The following SLC5A8 variants were observed in gnomAD, a reference collection of about 807,000 sequenced individuals.
SLC5A8 encodes sodium-coupled monocarboxylate transporter 1.
In SLC5A8, 55 loss-of-function variants were observed where a neutral mutation model predicts 71.9. The ratio of observed to expected loss-of-function variants is 0.77; its 90% CI spans 0.62 to 0.96. The LOEUF is 0.96. SLC5A8 is among the 40% of genes least tolerant of loss of function. The pLI is 0.00. For synonymous variants in SLC5A8, 307 were observed against 276.1 expected (o/e 1.11, Z -1.11); for missense variants, 701 against 745.3 (o/e 0.94, Z 0.69).
intron 3 of SLC5A8, among the ~76,000 whole-genome samples, chr12:101,198,887 T>C (rs555807789): frequency 6.6e-6 from 1 of 151,896 alleles, no homozygotes; most frequent in African/African-American, 2.4e-5. Flanking sequence ...GGTTTAATAT[T>C]CAAAATTCAG....
Position 101,161,966 on chromosome 12 carries a change from A to T in SLC5A8, c.1630+8T>A, listed in dbSNP as rs2051727377. 6.3e-7 allele frequency: 1 copy of T among 1,574,826 alleles called. No homozygotes were observed. Among genetic ancestry groups the T allele is most frequent in the Non-Finnish European group, 8.7e-7 (1 of 1,144,456 alleles). On this transcript the variant is annotated splice_region_variant and intron_variant, in intron 13 of 14. Coordinates refer to ENST00000536262, the MANE Select transcript of SLC5A8 (RefSeq NM_145913.5). ...TAAATACAACAATACTAATGTTTAG[A>T]TAGTTACCTGTTGATAAACTGACAA...
At chr12:101,171,965 A>G (rs1175356629) in intron 10 of SLC5A8, among the ~76,000 whole-genome samples, 1 of 152,220 alleles carries the variant, frequency 6.6e-6, no homozygotes, top group Non-Finnish European at 1.5e-5. Context: ...TAGCAGGCTT[A>G]GAGTTGCTTG....
At chr12:101,199,081 T>C (rs745633002) in intron 3 of SLC5A8, among the ~76,000 whole-genome samples, 1 of 151,804 alleles carries the variant, frequency 6.6e-6, no homozygotes, top group Non-Finnish European at 1.5e-5. Context: ...TATCAACATA[T>C]AAAAGTCAGT....
At chr12:101,192,258 G>T (rs1353224477) in intron 5 of SLC5A8, among the ~76,000 whole-genome samples, 2 of 152,202 alleles carry the variant, frequency 1.3e-5, no homozygotes, top group African/African-American at 2.4e-5. Flanking sequence ...CTAAAAGAAG[G>T]AAAGAAATAT....
chr12:101,190,479 G>A lies in SLC5A8; in HGVS notation c.822C>T (p.Phe274=). The change falls in exon 6 of 15, where the codon TTC becomes TTT. Residue 274 remains phenylalanine (F), a synonymous_variant. Coordinates refer to ENST00000536262, the MANE Select transcript of SLC5A8 (RefSeq NM_145913.5). ...GGTGTGTGACTTACAGTTTTGCCTG[G>A]AATCTGCTTTTACAAGAAATATATC... ...VQRYISCKSR[F]QAKLSLYINL... is the part of the protein sequence containing the mutation. 1 of 1,612,094 alleles carries A rather than the reference G, an allele frequency of 6.2e-7. No homozygotes were observed. The highest frequency in any genetic ancestry group is 8.5e-7 in the Non-Finnish European group (1 of 1,179,252).
rs1566328880 is a variant in SLC5A8, at chr12:101,209,704, C to T, written c.145G>A (p.Gly49Ser). Reference sequence around the variant, plus strand: ...ACGGGCACTGCGGTCATTCTGCGGCCGCCCATCAGGAAGTCCTTGGAGGTC... The same window carrying T: ...ACGGGCACTGCGGTCATTCTGCGGCTGCCCATCAGGAAGTCCTTGGAGGTC... ...QQTSKDFLMG[G>S]RRMTAVPVAL... Residue 49 changes from glycine to serine, a missense_variant, in exon 1 of 15, where the codon GGC (glycine) becomes AGC (serine). Gly to Ser is a moderately conservative substitution (Grantham distance 56). Transcript: ENST00000536262. The T allele has an allele frequency of 1.2e-6, 2 of 1,613,390 alleles. No individual in the cohort carries two copies. The highest frequency in any genetic ancestry group is 1.7e-6 in the Non-Finnish European group (2 of 1,180,032).
intron 3 of SLC5A8, 39 bp from the exon 4 acceptor site, chr12:101,195,201 A>G: frequency 1.3e-6 from 2 of 1,593,300 alleles, no homozygotes; most frequent in Middle Eastern, 1.7e-4. Flanking sequence ...ATTGTGAAAT[A>G]TGCACAATAA....
chr12:101,160,771 A>T (rs749218749), intron 13 of SLC5A8, among the ~76,000 whole-genome samples: 4 of 152,196 alleles, frequency 2.6e-5, no homozygotes, highest in Non-Finnish European at 5.9e-5. Flanking sequence ...AAAATATCTC[A>T]CATAGTAGAC....
At chr12:101,193,478 G>C (rs976268595) in intron 5 of SLC5A8, 147 bp downstream of exon 5, 4 of 850,430 alleles carry the variant, frequency 4.7e-6, no homozygotes, top group Admixed American at 5.3e-5. Flanking sequence ...GGCTCCTTAC[G>C]TATTTACTTC....
At chr12:101,179,667 A>G (rs2051913542) in intron 10 of SLC5A8, among the ~76,000 whole-genome samples, 1 of 152,216 alleles carries the variant, frequency 6.6e-6, no homozygotes, top group Non-Finnish European at 1.5e-5. Context: ...GTGGCTACAA[A>G]TGGGCAACAG....
intron 10 of SLC5A8, among the ~76,000 whole-genome samples, chr12:101,168,880 A>T (rs989821221): frequency 2.0e-5 from 3 of 152,370 alleles, no homozygotes; most frequent in East Asian, 1.9e-4. Flanking sequence ...CAACCATAAA[A>T]GAAGAGCAGG....
At chr12:101,165,641 C>T (rs926659594) in intron 12 of SLC5A8, among the ~76,000 whole-genome samples, 5 of 152,192 alleles carry the variant, frequency 3.3e-5, no homozygotes, top group African/African-American at 1.2e-4. Flanking sequence ...TAGCTGAATT[C>T]TCTCCAGAAC....
intron 12 of SLC5A8, among the ~76,000 whole-genome samples, chr12:101,166,015 C>T (rs1262903892): frequency 6.6e-6 from 1 of 152,156 alleles, no homozygotes; most frequent in Admixed American, 6.5e-5. Context: ...GCATGAAGAT[C>T]ACAGCTGCAA....
chr12:101,171,801 C>T (rs905813577), intron 10 of SLC5A8, among the ~76,000 whole-genome samples: 1 of 152,128 alleles, frequency 6.6e-6, no homozygotes, highest in Non-Finnish European at 1.5e-5. Context: ...TGTCAGTGAC[C>T]TCAGTGCCAA....
intron 5 of SLC5A8, among the ~76,000 whole-genome samples, chr12:101,191,291 T>C (rs981125772): frequency 1.3e-5 from 2 of 152,228 alleles, no homozygotes; most frequent in Non-Finnish European, 2.9e-5. Context: ...TTTTAATCTT[T>C]TTTACTGGAA....
chr12:101,184,174 G>T lies in SLC5A8; in HGVS notation c.1012C>A (p.Pro338Thr). 1 of 1,614,160 alleles carries T rather than the reference G, an allele frequency of 6.2e-7. No individual in the cohort carries two copies. The highest frequency in any genetic ancestry group is 1.7e-5 in the Admixed American group (1 of 60,024). ...LDILQDYPGL[P>T]GLFVACAYSG... ...TAAGCACAGGCCACAAAAAGTCCAGGAAGTCCTGGATAATCTTGCAGAATG... is the reference window on the plus strand; with the variant it reads ...TAAGCACAGGCCACAAAAAGTCCAGTAAGTCCTGGATAATCTTGCAGAATG... The change falls in exon 8 of 15, where the codon CCT (proline) becomes ACT (threonine). Residue 338 changes from proline (P) to threonine (T), a missense_variant. Transcript: ENST00000536262.
intron 2 of SLC5A8, among the ~76,000 whole-genome samples, chr12:101,203,897 G>C (rs867656104): frequency 1.3e-5 from 2 of 152,104 alleles, no homozygotes; most frequent in Non-Finnish European, 2.9e-5. Context: ...ATCTATAAGC[G>C]CATGTTCTTG....
At chr12:101,158,453 A>T in intron 13 of SLC5A8, 125 bp from the exon 14 acceptor site, 2 of 642,060 alleles carry the variant, frequency 3.1e-6, no homozygotes, top group Non-Finnish European at 5.3e-6. Flanking sequence ...AAACACAAAG[A>T]GAAAGGGAAA....
chr12:101,164,681 C>G (rs940679286), intron 12 of SLC5A8, among the ~76,000 whole-genome samples: 1 of 152,182 alleles, frequency 6.6e-6, no homozygotes, highest in African/African-American at 2.4e-5. Context: ...ATCCTGCTAC[C>G]TGACTAACTC....
Sources: allele counts gnomAD v4.1 joint callset (sites outside exome capture counted in the v4.1 genomes callset), GRCh38; gene constraint gnomAD v4.1.1; transcripts MANE v1.5; gene names NCBI Gene and HGNC (gene_info 2026-07-23, HGNC 2026-07-21).